The following TCERG1L variants were observed in gnomAD, a reference collection of about 807,000 sequenced individuals.
The protein encoded by TCERG1L is transcription elongation regulator 1 like.
TCERG1L carries 37 observed loss-of-function variants against 56.3 expected under a neutral mutation model. The observed-to-expected ratio is 0.66, with a 90% CI of 0.51 to 0.87. TCERG1L has a LOEUF of 0.87. Among genes scored for constraint, TCERG1L ranks in the 40% least tolerant of loss-of-function variants. The pLI, the probability that TCERG1L is intolerant of heterozygous loss-of-function variation, is 0.00. For missense variants in TCERG1L, 799 were observed against 774.2 expected, an observed-to-expected ratio of 1.03 and a Z score of -0.38; for synonymous variants, 324 against 326.3, an observed-to-expected ratio of 0.99 and a Z score of 0.08.
intron 4 of TCERG1L, among the ~76,000 whole-genome samples, chr10:131,222,180 C>T (rs147684515): frequency 6.6e-6 from 1 of 152,320 alleles, no homozygotes; most frequent in East Asian, 1.9e-4. Flanking sequence ...CGCTTCTCCG[C>T]GGCATGCGAG....
intron 4 of TCERG1L, among the ~76,000 whole-genome samples, chr10:131,249,530 C>T (rs1158831497): frequency 1.3e-5 from 2 of 152,256 alleles, no homozygotes; most frequent in Non-Finnish European, 2.9e-5. Context: ...CCTCTCCAGC[C>T]ATGGCAAACG....
chr10:131,124,459 A>G (rs988014318), intron 8 of TCERG1L, among the ~76,000 whole-genome samples: 1 of 152,198 alleles, frequency 6.6e-6, no homozygotes, highest in South Asian at 2.1e-4. Context: ...TTATTGCCAC[A>G]TTTCTGTGAG....
chr10:131,297,791 T>C (rs894220756), intron 3 of TCERG1L, among the ~76,000 whole-genome samples: 4 of 152,186 alleles, frequency 2.6e-5, no homozygotes, highest in African/African-American at 9.6e-5. Flanking sequence ...ACTACTTCTA[T>C]TTATGTTTTC....
chr10:131,169,934 G>C (rs1008124730), intron 4 of TCERG1L, among the ~76,000 whole-genome samples: 2 of 122,420 alleles, frequency 1.6e-5, no homozygotes, highest in African/African-American at 9.5e-5. Context: ...GAAAACAGTT[G>C]ATCTTGTAAA....
intron 3 of TCERG1L, among the ~76,000 whole-genome samples, chr10:131,299,867 G>T (rs2133581198): frequency 6.6e-6 from 1 of 151,810 alleles, no homozygotes; most frequent in South Asian, 2.1e-4. Context: ...TTTTTATTTT[G>T]TGTATAATTT....
intron 3 of TCERG1L, among the ~76,000 whole-genome samples, chr10:131,261,630 C>T (rs1846237946): frequency 6.6e-6 from 1 of 152,236 alleles, no homozygotes; most frequent in African/African-American, 2.4e-5. Context: ...ATTCAGTCAA[C>T]CAGTCTTTAT....
intron 4 of TCERG1L, among the ~76,000 whole-genome samples, chr10:131,252,387 G>C (rs1014697920): frequency 6.6e-6 from 1 of 152,172 alleles, no homozygotes; most frequent in African/African-American, 2.4e-5. Flanking sequence ...ATGGTCTCTA[G>C]AGTTTAAGTA....
At chr10:131,276,218 C>T (rs952117644) in intron 3 of TCERG1L, among the ~76,000 whole-genome samples, 1 of 152,176 alleles carries the variant, frequency 6.6e-6, no homozygotes, top group Admixed American at 6.5e-5. Context: ...CAGCAACATC[C>T]CTCTAAGTAC....
At chr10:131,120,237 T>G (rs1348631623) in intron 8 of TCERG1L, among the ~76,000 whole-genome samples, 1 of 152,214 alleles carries the variant, frequency 6.6e-6, no homozygotes, top group Non-Finnish European at 1.5e-5. Flanking sequence ...TGAGGTTTTC[T>G]GATTTTGCCC....
At position 131,122,205 on chromosome 10, in the gene TCERG1L, G is replaced by A. The variant is rs374474234; in HGVS notation, c.1260-5271C>T. Among the ~76,000 whole-genome samples the A allele has an allele frequency of 5.9e-5, 9 of 152,278 alleles. No individual in the cohort carries two copies. In the South Asian group the frequency reaches 8.3e-4, roughly 14 times the overall value. ...GAGAGCTCCAAAAGATTCTTGGAAC[G>A]TCCTAAGCACTAGAAATGACCTTTG... On this transcript the variant is annotated intron_variant, in intron 8 of 11. Coordinates refer to ENST00000368642, the MANE Select transcript of TCERG1L (RefSeq NM_174937.4).
rs910935116 is a variant in TCERG1L, at chr10:131,101,854, T to C, written c.1485+2411A>G. 9.9e-5 allele frequency among the ~76,000 whole-genome samples: 15 copies of C among 152,192 alleles called. 1 individual carries two copies. Among genetic ancestry groups the C allele is most frequent in the African/African-American group, 2.6e-4 (11 of 41,540 alleles). On this transcript the variant is annotated intron_variant, in intron 10 of 11. Coordinates refer to ENST00000368642, the MANE Select transcript of TCERG1L (RefSeq NM_174937.4). Reference sequence around the variant, plus strand: ...TAACTGGGATTACAAGCAAGCACCATTACACTTGGCTAATTTTTGGCATTT... The same window carrying C: ...TAACTGGGATTACAAGCAAGCACCACTACACTTGGCTAATTTTTGGCATTT...
chr10:131,097,626 C>T (rs775428760), intron 11 of TCERG1L, among the ~76,000 whole-genome samples: 1 of 152,206 alleles, frequency 6.6e-6, no homozygotes, highest in Non-Finnish European at 1.5e-5. Context: ...GGATTATAGG[C>T]GTGAGCCACC....
rs961137317 is a variant in TCERG1L at position 131,197,161 on chromosome 10, C to A, written c.857-30276G>T. Among the ~76,000 whole-genome samples the A allele has an allele frequency of 3.5e-5, 5 of 141,458 alleles. No homozygotes were observed. The East Asian group carries it at 1.1e-3, about 30-fold the overall frequency. The allele number at this position is 141,458 out of a possible 152,430, so 92.8% of individuals were successfully genotyped here. A position where few individuals can be genotyped will look rare whatever the true frequency, so the allele number is the denominator to read the frequency against. On this transcript the variant is annotated intron_variant, in intron 4 of 11. Coordinates refer to ENST00000368642, the MANE Select transcript of TCERG1L (RefSeq NM_174937.4). ...CTCAGTTTTCTCTTCTTAAATAGGG[C>A]CAAATAGTTTCCTTCTCTCCTCCAT...
intron 3 of TCERG1L, among the ~76,000 whole-genome samples, chr10:131,285,203 C>G (rs1404742489): frequency 6.6e-6 from 1 of 151,908 alleles, no homozygotes; most frequent in Non-Finnish European, 1.5e-5. Flanking sequence ...CATGGTAAAA[C>G]CCTGTCTCTA....
intron 4 of TCERG1L, among the ~76,000 whole-genome samples, chr10:131,228,755 GACAGGC>G (rs1845819452): frequency 1.2e-5 from 1 of 83,794 alleles, no homozygotes; most frequent in African/African-American, 5.8e-5. Context: ...CTTCCCTCCA[GACAGGC>G]ATTTCCTCAA....
intron 3 of TCERG1L, among the ~76,000 whole-genome samples, chr10:131,286,134 C>G (rs568443166): frequency 2.0e-5 from 3 of 152,314 alleles, no homozygotes; most frequent in South Asian, 2.1e-4. Context: ...GGCTCTTGCA[C>G]AGTAGTCTTC....
rs1342162143 is a variant in TCERG1L at position 131,256,991 on chromosome 10, AG to A, written c.856+3267del. Among the ~76,000 whole-genome samples the A allele has an allele frequency of 4.5e-3, 332 of 73,600 alleles. 2 individuals are homozygous for A. The highest frequency in any genetic ancestry group is 0.013 in the African/African-American group (317 of 24,302). 48.3% of individuals were successfully genotyped at this position (73,600 alleles called of 152,430 possible). On this transcript the variant is annotated intron_variant, in intron 4 of 11. Transcript: ENST00000368642. ...AAGGAAGGAAGGAAGGAAGGAAGGA[AG>A]GAAAGAAAGAAAGAAAGAAAGAAAG... is the stretch of plus-strand genomic sequence containing the variant.
chr10:131,163,567 C>T (rs976070559), intron 5 of TCERG1L, among the ~76,000 whole-genome samples: 4 of 152,210 alleles, frequency 2.6e-5, no homozygotes, highest in African/African-American at 7.2e-5. Context: ...AATGAGCTGA[C>T]CCAGCGGTGG....
At position 131,093,142 on chromosome 10, in the gene TCERG1L, T is replaced by C. The variant is rs1016992801; in HGVS notation, c.*20A>G. ...CACGCCCAGGGTCAACCCCCGGGCT[T>C]ATTGCATTTTTTCACAAACTCATCT... is the stretch of plus-strand genomic sequence containing the variant. On this transcript the variant is annotated 3_prime_UTR_variant, in exon 12 of 12. Transcript: ENST00000368642. The C allele has an allele frequency of 1.4e-5, 22 of 1,610,962 alleles. No individual in the cohort carries two copies. Among genetic ancestry groups the C allele is most frequent in the Non-Finnish European group, 1.7e-5 (20 of 1,178,368 alleles).
Sources: gnomAD v4.1 joint callset for allele counts (sites outside exome capture counted in the v4.1 genomes callset) on GRCh38, gnomAD v4.1.1 for gene constraint, MANE v1.5 for transcripts, NCBI Gene and HGNC (gene_info 2026-07-23, HGNC 2026-07-21) for gene names.